TENM4: variants seen among roughly 807,000 people sequenced by gnomAD.
The protein encoded by TENM4 is teneurin-4.
In TENM4, 82 loss-of-function variants were observed where a neutral mutation model predicts 243.3. That is an observed-to-expected ratio of 0.34 (90% CI 0.28 to 0.40). TENM4 has a LOEUF of 0.40. Ranked by LOEUF, TENM4 falls within the 10% of genes least tolerant of loss-of-function variation. The pLI, the probability that TENM4 is intolerant of heterozygous loss-of-function variation, is 1.00. For synonymous variants in TENM4, 1,412 were observed against 1,456.3 expected (o/e 0.97, Z 0.69); for missense variants, 3,138 against 3,673.3 (o/e 0.85, Z 3.77).
At chr11:79,087,822 C>T (rs1192053225) in intron 4 of TENM4, among the ~76,000 whole-genome samples, 1 of 152,234 alleles carries the variant, frequency 6.6e-6, no homozygotes, top group Non-Finnish European at 1.5e-5. Context: ...TCCTAGCAGT[C>T]ACCAGGGTAT....
At chr11:78,687,134 C>G (rs1858701768) in intron 29 of TENM4, among the ~76,000 whole-genome samples, 1 of 152,164 alleles carries the variant, frequency 6.6e-6, no homozygotes, top group African/African-American at 2.4e-5. Flanking sequence ...AGAGTGACCC[C>G]AGCCAGTTCA....
chr11:78,719,041 C>T (rs953020762), intron 25 of TENM4, among the ~76,000 whole-genome samples: 1 of 152,100 alleles, frequency 6.6e-6, no homozygotes, highest in African/African-American at 2.4e-5. Flanking sequence ...ATACTGTTAA[C>T]TCTATAGGAT....
chr11:79,327,819 C>T (rs191718037), intron 1 of TENM4, among the ~76,000 whole-genome samples: 3 of 152,198 alleles, frequency 2.0e-5, no homozygotes, highest in Non-Finnish European at 4.4e-5. Context: ...GGCAACTCCA[C>T]CATTGTCTTT....
At chr11:79,040,415 TCC>T (rs1435184260) in intron 6 of TENM4, among the ~76,000 whole-genome samples, 2 of 152,206 alleles carry the variant, frequency 1.3e-5, no homozygotes, top group Non-Finnish European at 2.9e-5. Context: ...GCAGCCAGCC[TCC>T]GGCCTCCTGC....
intron 3 of TENM4, among the ~76,000 whole-genome samples, chr11:79,195,311 T>C (rs1004550176): frequency 2.0e-5 from 3 of 152,166 alleles, no homozygotes; most frequent in Non-Finnish European, 4.4e-5. Flanking sequence ...TGCCTACTAC[T>C]GGAGCTGTGA....
intron 6 of TENM4, among the ~76,000 whole-genome samples, chr11:78,929,461 A>C (rs923489083): frequency 1.1e-4 from 16 of 152,182 alleles, no homozygotes; most frequent in Admixed American, 7.2e-4. Context: ...CAGGTTCAGA[A>C]GAGAGACAAG....
chr11:79,337,495 T>G (rs1217227041), intron 1 of TENM4, among the ~76,000 whole-genome samples: 1 of 152,080 alleles, frequency 6.6e-6, no homozygotes, highest in African/African-American at 2.4e-5. Context: ...GAAATTGGAA[T>G]TGAGGAGCAG....
intron 3 of TENM4, among the ~76,000 whole-genome samples, chr11:79,170,664 C>T (rs892734587): frequency 6.6e-6 from 1 of 152,112 alleles, no homozygotes; most frequent in African/African-American, 2.4e-5. Flanking sequence ...GCCAGCAAAC[C>T]CCCAGAAGCT....
chr11:79,375,457 G>A (rs471299), intron 1 of TENM4, among the ~76,000 whole-genome samples: 104,641 of 152,088 alleles, frequency 0.69, 36,094 homozygotes, highest in African/African-American at 0.74. Context: ...TTTCCATTCA[G>A]TATAATAAAC....
At chr11:78,763,934 G>A (rs961563755) in intron 18 of TENM4, among the ~76,000 whole-genome samples, 7 of 152,258 alleles carry the variant, frequency 4.6e-5, no homozygotes, top group Admixed American at 1.3e-4. Flanking sequence ...CATAGGCCAA[G>A]TGAACAATTG....
At position 79,332,194 on chromosome 11, in the gene TENM4, G is replaced by T. The variant is rs577569996; in HGVS notation, c.-320-34651C>A. On this transcript the variant is annotated intron_variant, in intron 1 of 33. Transcript: ENST00000278550. The stretch of plus-strand genomic sequence containing the variant: ...GCAGCAGAGCTGGGACATGAGCCAA[G>T]GTAGCCCAATGCCAGAAGCCAAACC... Among the ~76,000 whole-genome samples, 10 of 152,298 alleles carry T rather than the reference G, an allele frequency of 6.6e-5. 1 individual carries two copies. In the South Asian group the frequency reaches 1.9e-3, roughly 28 times the overall value.
intron 18 of TENM4, among the ~76,000 whole-genome samples, chr11:78,762,342 C>T (rs142001839): frequency 1.9e-4 from 29 of 152,350 alleles, no homozygotes; most frequent in Admixed American, 1.2e-3. Context: ...CCTCCCTACA[C>T]GCACATTACA....
At chr11:79,094,174 C>T (rs1197721904) in intron 4 of TENM4, among the ~76,000 whole-genome samples, 1 of 152,142 alleles carries the variant, frequency 6.6e-6, no homozygotes, top group Non-Finnish European at 1.5e-5. Context: ...CAGGACTGCA[C>T]AGCAAGCATG....
chr11:78,909,928 G>A (rs1381369051), intron 6 of TENM4, among the ~76,000 whole-genome samples: 1 of 152,132 alleles, frequency 6.6e-6, no homozygotes, highest in East Asian at 1.9e-4. Context: ...AGTATGTGAG[G>A]AAGATTTCTG....
At chr11:79,316,244 A>T (rs78333649) in intron 1 of TENM4, among the ~76,000 whole-genome samples, 6,459 of 133,662 alleles carry the variant, frequency 0.048, 215 homozygotes, top group Non-Finnish European at 0.078. Context: ...GAACTGATAT[A>T]AAAAAAAGAA....
At chr11:78,920,360 C>T (rs1316543192) in intron 6 of TENM4, among the ~76,000 whole-genome samples, 3 of 152,138 alleles carry the variant, frequency 2.0e-5, no homozygotes, top group South Asian at 2.1e-4. Flanking sequence ...ATTTCTACTT[C>T]GTAAGAAAAA....
intron 6 of TENM4, among the ~76,000 whole-genome samples, chr11:78,907,627 G>A (rs1392594610): frequency 6.6e-6 from 1 of 152,190 alleles, no homozygotes; most frequent in East Asian, 1.9e-4. Flanking sequence ...ACTAAGCCCT[G>A]AGGGAAAGAC....
At chr11:79,203,897 A>C (rs531939113) in intron 3 of TENM4, among the ~76,000 whole-genome samples, 10 of 152,364 alleles carry the variant, frequency 6.6e-5, no homozygotes, top group African/African-American at 2.4e-4. Flanking sequence ...TGGCAAGAAA[A>C]AGGAATGAAG....
intron 4 of TENM4, among the ~76,000 whole-genome samples, chr11:79,101,038 T>C (rs969798435): frequency 6.6e-6 from 1 of 151,486 alleles, no homozygotes; most frequent in South Asian, 2.1e-4. Flanking sequence ...TCCAGGATTA[T>C]AAAGAAAAGC....
Sources: gnomAD v4.1 joint callset for allele counts (sites outside exome capture counted in the v4.1 genomes callset) on GRCh38, gnomAD v4.1.1 for gene constraint, MANE v1.5 for transcripts, NCBI Gene and HGNC (gene_info 2026-07-23, HGNC 2026-07-21) for gene names.